CHST9: variants seen among roughly 807,000 people sequenced by gnomAD.
CHST9 encodes the protein GalNAc-4-sulfotransferase 2.
In CHST9, 41 loss-of-function variants were observed where a neutral mutation model predicts 44.4. That is an observed-to-expected ratio of 0.92 (90% confidence interval 0.72 to 1.20). CHST9 has a LOEUF of 1.20. Ranked by LOEUF, CHST9 falls within the 50% of genes most tolerant of loss-of-function variation. The pLI, the probability that CHST9 is intolerant of heterozygous loss-of-function variation, is 0.00. For missense variants in CHST9, 504 were observed against 516.5 expected (o/e 0.98, Z 0.23); for synonymous variants, 171 against 178.4 (o/e 0.96, Z 0.33).
chr18:26,923,562 A>G, intron 5 of CHST9, among the ~76,000 whole-genome samples: 1 of 152,214 alleles, frequency 6.6e-6, no homozygotes, highest in East Asian at 1.9e-4. Context: ...CATTTGTAGG[A>G]CCTTATATAC....
At chr18:27,014,996 T>A (rs1273477557) in intron 4 of CHST9, among the ~76,000 whole-genome samples, 9 of 152,302 alleles carry the variant, frequency 5.9e-5, no homozygotes, top group African/African-American at 2.2e-4. Context: ...CATTTCTACA[T>A]TTTTAGTCTT....
chr18:27,069,147 T>C (rs1426771065), intron 2 of CHST9, among the ~76,000 whole-genome samples: 1 of 152,206 alleles, frequency 6.6e-6, no homozygotes, highest in Non-Finnish European at 1.5e-5. Flanking sequence ...AAAGTGGTGT[T>C]AGGGTTAAAT....
intron 4 of CHST9, among the ~76,000 whole-genome samples, chr18:26,946,332 A>T (rs1382628500): frequency 1.3e-5 from 2 of 152,200 alleles, no homozygotes; most frequent in African/African-American, 4.8e-5. Flanking sequence ...GAGAACTTTC[A>T]GGCAGAAGGA....
rs566197204 is a variant in CHST9, at chr18:27,090,102, C to A, written c.122-41599G>T. On this transcript the variant is annotated intron_variant, in intron 2 of 5. Transcript: ENST00000618847. The stretch of plus-strand genomic sequence containing the variant: ...CTGGGATTACAGGCGTGAGCCACCG[C>A]GCCCAGTGTTTCCTGACTTTTTAAT... 5.9e-5 allele frequency among the ~76,000 whole-genome samples: 9 copies of A among 152,232 alleles called. No homozygotes were observed. The South Asian group carries it at 1.7e-3, about 28-fold the overall frequency.
intron 1 of CHST9, among the ~76,000 whole-genome samples, chr18:27,162,012 G>A (rs1234980514): frequency 6.6e-6 from 1 of 151,948 alleles, no homozygotes; most frequent in Non-Finnish European, 1.5e-5. Context: ...CTCTGCACAT[G>A]AGATGGGTTT....
intron 2 of CHST9, among the ~76,000 whole-genome samples, chr18:27,094,022 A>C (rs1314501867): frequency 2.6e-5 from 4 of 152,206 alleles, no homozygotes; most frequent in African/African-American, 9.6e-5. Flanking sequence ...TGGAGCACGC[A>C]AATTTTACGT....
At position 26,906,726 on chromosome 18, in the gene CHST9, ATC is replaced by A. The variant is rs2055377180; in HGVS notation, c.*9531_*9532del. On this transcript the variant is annotated 3_prime_UTR_variant, in exon 6 of 6. Transcript: ENST00000618847. ...ATCCTACATAGAATCCTGCTTCCCA[ATC>A]TCTCATAGTACTCAGGGCAGAGCAT... 1 of 152,068 alleles carries A rather than the reference ATC, an allele frequency of 6.6e-6. No individual in the cohort carries two copies. The allele number at this position is 152,068 out of a possible 1,614,324, so 9.4% of individuals were successfully genotyped here.
chr18:27,106,323 T>C (rs536321830), intron 2 of CHST9, among the ~76,000 whole-genome samples: 35 of 152,312 alleles, frequency 2.3e-4, no homozygotes, highest in Non-Finnish European at 4.4e-4. Context: ...AACAACATTA[T>C]TGACTAAGGA....
In CHST9 at chr18:26,922,781, G is replaced by A. The variant is rs752041789; in HGVS notation, c.241-5431C>T. On this transcript the variant is annotated intron_variant, in intron 5 of 5. Transcript: ENST00000618847. ...CTCCTGGGTAGCTGGGATTACAGGC[G>A]CATGCCACCACACCCGGCTAATTTT... 6.6e-5 allele frequency among the ~76,000 whole-genome samples: 10 copies of A among 152,026 alleles called. No individual in the cohort carries two copies. The East Asian group carries it at 7.8e-4, about 12-fold the overall frequency.
chr18:27,067,799 G>A (rs2057798143), intron 2 of CHST9, among the ~76,000 whole-genome samples: 1 of 152,144 alleles, frequency 6.6e-6, no homozygotes, highest in South Asian at 2.1e-4. Flanking sequence ...AAGCCCCTGT[G>A]TCCCTCTATC....
At chr18:27,027,018 A>AT (rs1210881133) in intron 3 of CHST9, among the ~76,000 whole-genome samples, 2 of 152,218 alleles carry the variant, frequency 1.3e-5, no homozygotes, top group African/African-American at 2.4e-5. Flanking sequence ...TGAAAATTTA[A>AT]TTTTTTTAAA....
chr18:26,946,814 G>C (rs1047208595), intron 4 of CHST9, among the ~76,000 whole-genome samples: 9 of 150,682 alleles, frequency 6.0e-5, no homozygotes, highest in Non-Finnish European at 5.9e-5. Flanking sequence ...GGTTTGTCAA[G>C]ATCAGATGGT....
At chr18:27,169,410 T>C (rs773464477) in intron 1 of CHST9, among the ~76,000 whole-genome samples, 1 of 152,162 alleles carries the variant, frequency 6.6e-6, no homozygotes, top group Non-Finnish European at 1.5e-5. Flanking sequence ...AAGGCAAAAA[T>C]TGATAGAACT....
intron 4 of CHST9, among the ~76,000 whole-genome samples, chr18:26,960,860 C>T (rs1335612603): frequency 3.3e-5 from 5 of 152,178 alleles, no homozygotes; most frequent in African/African-American, 7.2e-5. Flanking sequence ...GTATTCTCTT[C>T]CTTCTAGTAA....
intron 4 of CHST9, among the ~76,000 whole-genome samples, chr18:27,013,653 C>A (rs1481724994): frequency 2.6e-5 from 4 of 152,122 alleles, no homozygotes; most frequent in Non-Finnish European, 5.9e-5. Flanking sequence ...TTGAGAATTT[C>A]CCTAGTTGCT....
chr18:26,936,404 T>TATTCAA lies in CHST9; in HGVS notation c.240+7919_240+7924dup, dbSNP rs927654042. On this transcript the variant is annotated intron_variant, in intron 5 of 5. Transcript: ENST00000618847. ...ACAAAACATTGTATTTTAGAATGCA[T>TATTCAA]ATTCAAACATATTCCAAAAAATACT... The TATTCAA allele has an allele frequency of 5.9e-5, 9 of 152,204 alleles. No individual in the cohort carries two copies. The East Asian group carries it at 1.7e-3, about 29-fold the overall frequency. 9.4% of individuals were successfully genotyped at this position (152,204 alleles called of 1,614,324 possible).
chr18:27,160,842 G>A (rs982833190), intron 1 of CHST9, among the ~76,000 whole-genome samples: 7 of 152,118 alleles, frequency 4.6e-5, no homozygotes, highest in Non-Finnish European at 8.8e-5. Flanking sequence ...GTCTTGGGAG[G>A]TTGTATGTGT....
chr18:27,162,863 G>A (rs2058758977), intron 1 of CHST9, among the ~76,000 whole-genome samples: 2 of 152,214 alleles, frequency 1.3e-5, no homozygotes, highest in Non-Finnish European at 2.9e-5. Context: ...GAGGAGCTGT[G>A]TTCCTTTGGA....
intron 1 of CHST9, among the ~76,000 whole-genome samples, chr18:27,167,008 G>C (rs1264581563): frequency 6.6e-6 from 1 of 152,218 alleles, no homozygotes; most frequent in Non-Finnish European, 1.5e-5. Flanking sequence ...GGAGCATAAG[G>C]ATTAGTCTAA....
Sources: gnomAD v4.1 joint callset for allele counts (sites outside exome capture counted in the v4.1 genomes callset) on GRCh38, gnomAD v4.1.1 for gene constraint, MANE v1.5 for transcripts, NCBI Gene and HGNC (gene_info 2026-07-23, HGNC 2026-07-21) for gene names.